The following LHX8 variants were observed in gnomAD, a reference collection of about 807,000 sequenced individuals.
The protein encoded by LHX8 is LIM homeobox 8.
LHX8 carries 12 observed loss-of-function variants against 40.3 expected under a neutral mutation model. That is an observed-to-expected ratio of 0.30 (90% CI 0.19 to 0.48). The LOEUF (loss-of-function observed/expected upper bound fraction) is 0.48. LHX8 is among the 20% of genes least tolerant of loss of function. LHX8 has a pLI of 0.99. For synonymous variants in LHX8, 179 were observed against 162.0 expected (o/e 1.10, Z -0.80); for missense variants, 344 against 433.7 (o/e 0.79, Z 1.84).
intron 8 of LHX8, among the ~76,000 whole-genome samples, chr1:75,157,766 A>G (rs1297552108): frequency 1.3e-5 from 2 of 152,230 alleles, no homozygotes; most frequent in Non-Finnish European, 2.9e-5. Context: ...TTTCATTGTT[A>G]TATAGAAATC....
intron 8 of LHX8, 99 bp downstream of exon 8, chr1:75,157,175 C>T: frequency 7.5e-7 from 1 of 1,326,942 alleles, no homozygotes; most frequent in South Asian, 1.2e-5. Flanking sequence ...GAAATATTAC[C>T]TCAGTAGTAG....
intron 1 of LHX8, among the ~76,000 whole-genome samples, chr1:75,135,453 G>A (rs1570282810): frequency 6.6e-6 from 1 of 152,222 alleles, no homozygotes; most frequent in South Asian, 2.1e-4. Flanking sequence ...GTGCAGCTAC[G>A]CTGGGTCCCG....
At chr1:75,137,011 G>A in intron 2 of LHX8, 89 bp from the exon 3 acceptor site, 4 of 1,443,274 alleles carry the variant, frequency 2.8e-6, no homozygotes, top group Admixed American at 4.5e-5. Context: ...GGGGAAGGGA[G>A]GGGAGGCGGT....
chr1:75,198,155 C>T, the LHX8 span, among the ~76,000 whole-genome samples: 3 of 152,080 alleles, frequency 2.0e-5, no homozygotes, highest in Non-Finnish European at 4.4e-5. Flanking sequence ...AGAATTCAAG[C>T]TATGTTAAAA....
chr1:75,137,095 T>C lies in LHX8; in HGVS notation c.76-5T>C, dbSNP rs1330254787. On this transcript the variant is annotated splice_region_variant and splice_polypyrimidine_tract_variant and intron_variant, in intron 2 of 8. Transcript: ENST00000356261. The stretch of plus-strand genomic sequence containing the variant: ...GAACCGCCTGCGCCTCGCGGTTTCC[T>C]GCAGGTGAGCCCCGAGGGAGCGGGG... The C allele has an allele frequency of 6.2e-7, 1 of 1,600,488 alleles. No homozygotes were observed. The highest frequency in any genetic ancestry group is 2.1e-4 in the Middle Eastern group (1 of 4,774).
chr1:75,130,682 G>A, upstream of LHX8: 1 of 1,610,194 alleles, frequency 6.2e-7, no homozygotes, highest in Non-Finnish European at 8.5e-7. Flanking sequence ...CCCAAGGTGA[G>A]CCCGTATACA....
At chr1:75,194,687 T>C in the LHX8 span, among the ~76,000 whole-genome samples, 1 of 152,164 alleles carries the variant, frequency 6.6e-6, no homozygotes, top group African/African-American at 2.4e-5. Context: ...AGTTACTCTC[T>C]TAAGAAATAA....
chr1:75,186,054 A>T, the LHX8 span, among the ~76,000 whole-genome samples: 1 of 152,218 alleles, frequency 6.6e-6, no homozygotes, highest in Non-Finnish European at 1.5e-5. Flanking sequence ...GATGACACAA[A>T]TGGAAAAACA....
chr1:75,146,993 A>G (rs1648475943), intron 6 of LHX8, among the ~76,000 whole-genome samples: 1 of 152,188 alleles, frequency 6.6e-6, no homozygotes, highest in Non-Finnish European at 1.5e-5. Context: ...AAAAACAAAG[A>G]CATAATTTGC....
chr1:75,132,783 A>ACACACACG (rs1557483585), upstream of LHX8: 1 of 152,278 alleles, frequency 6.6e-6, no homozygotes, highest in East Asian at 1.9e-4. Context: ...ACACACACAC[A>ACACACACG]CACACTGTAA....
At chr1:75,148,459 T>C (rs1648521328) in intron 6 of LHX8, 128 bp from the exon 7 acceptor site, 1 of 716,982 alleles carries the variant, frequency 1.4e-6, no homozygotes, top group African/African-American at 1.8e-5. Context: ...TATTTCCCCA[T>C]ACCGATTTTC....
At chr1:75,186,139 G>A in the LHX8 span, among the ~76,000 whole-genome samples, 12 of 152,114 alleles carry the variant, frequency 7.9e-5, no homozygotes, top group Admixed American at 6.6e-4. Context: ...TAGATCCAAT[G>A]CTACTCCTAT....
At position 75,143,301 on chromosome 1, in the gene LHX8, C is replaced by A. The variant is rs765335899; in HGVS notation, c.543C>A (p.Asp181Glu). The A allele has an allele frequency of 1.2e-6, 2 of 1,613,220 alleles. No individual in the cohort carries two copies. Among genetic ancestry groups the A allele is most frequent in the African/African-American group, 1.3e-5 (1 of 75,026 alleles). ...AAGTCCTCTGCAGAGTACATTATGA[C>A]TGCATGCTGGATAATTTAAAAAGAG... ...EEKVLCRVHY[D>E]CMLDNLKREV... Residue 181 changes from aspartate to glutamate, a missense_variant, in exon 5 of 9, where the codon GAC becomes GAA. Coordinates refer to ENST00000356261, the MANE Select transcript of LHX8 (RefSeq NM_001256114.2).
At chr1:75,190,024 C>T in the LHX8 span, among the ~76,000 whole-genome samples, 17 of 152,202 alleles carry the variant, frequency 1.1e-4, no homozygotes, top group South Asian at 4.1e-4. Context: ...TGCTCACAGC[C>T]AAAGGAGAAA....
chr1:75,166,784 G>T, the LHX8 span, among the ~76,000 whole-genome samples: 1 of 152,174 alleles, frequency 6.6e-6, no homozygotes, highest in Non-Finnish European at 1.5e-5. Flanking sequence ...CACTTGCAAA[G>T]GGTCATCAAT....
chr1:75,178,093 A>T, the LHX8 span, among the ~76,000 whole-genome samples: 1 of 151,946 alleles, frequency 6.6e-6, no homozygotes, highest in African/African-American at 2.4e-5. Flanking sequence ...TTTATTGAGG[A>T]TTTTTGCACT....
the LHX8 span, among the ~76,000 whole-genome samples, chr1:75,178,130 A>G: frequency 6.6e-6 from 1 of 152,102 alleles, no homozygotes; most frequent in South Asian, 2.1e-4. Context: ...ATTGGTCTAA[A>G]ATTCTCTTTT....
At chr1:75,192,099 T>A in the LHX8 span, among the ~76,000 whole-genome samples, 2 of 152,252 alleles carry the variant, frequency 1.3e-5, no homozygotes, top group Non-Finnish European at 2.9e-5. Flanking sequence ...AGAATATCAC[T>A]ACCTATTTCA....
At chr1:75,154,289 G>A (rs554981692) in intron 7 of LHX8, among the ~76,000 whole-genome samples, 81 of 151,972 alleles carry the variant, frequency 5.3e-4, no homozygotes, top group Middle Eastern at 3.4e-3. Flanking sequence ...ACCTCCTTCT[G>A]CTTGATTACC....
Sources: gnomAD v4.1 joint callset for allele counts (sites outside exome capture counted in the v4.1 genomes callset) on GRCh38, gnomAD v4.1.1 for gene constraint, MANE v1.5 for transcripts, NCBI Gene and HGNC (gene_info 2026-07-23, HGNC 2026-07-21) for gene names.